Variants in TOX3 observed in about 807,000 individuals in gnomAD.
TOX3 encodes TOX high mobility group box family member 3, also known as CAG trinucleotide repeat-containing gene F9 protein.
TOX3 carries 22 observed loss-of-function variants against 64.3 expected under a neutral mutation model. The observed-to-expected ratio is 0.34, with a 90% CI of 0.24 to 0.49. The LOEUF (loss-of-function observed/expected upper bound fraction) is 0.49, where lower values mean the gene tolerates loss of function less well. TOX3 is among the 20% of genes least tolerant of loss of function. TOX3 has a pLI of 0.99. For missense variants in TOX3, 661 were observed against 714.4 expected, an observed-to-expected ratio of 0.93 and a Z score of 0.85; for synonymous variants, 291 against 273.6, an observed-to-expected ratio of 1.06 and a Z score of -0.63.
At chr16:52,448,850 A>G (rs901761258) in intron 4 of TOX3, among the ~76,000 whole-genome samples, 2 of 152,180 alleles carry the variant, frequency 1.3e-5, no homozygotes, top group Non-Finnish European at 2.9e-5. Flanking sequence ...CTAGACTCCA[A>G]TGTAAGCACG....
At chr16:52,495,839 C>T (rs567927465) in intron 1 of TOX3, among the ~76,000 whole-genome samples, 165 of 152,244 alleles carry the variant, frequency 1.1e-3, no homozygotes, top group African/African-American at 3.7e-3. Context: ...ATCTATAAAT[C>T]TCTATTTCAG....
chr16:52,478,448 G>A (rs1283027124), intron 1 of TOX3, among the ~76,000 whole-genome samples: 4 of 152,170 alleles, frequency 2.6e-5, no homozygotes, highest in South Asian at 2.1e-4. Flanking sequence ...ACCTCCATGT[G>A]CCCTCCTTGT....
At chr16:52,519,274 C>A (rs1388200528) in intron 1 of TOX3, 1 of 930,090 alleles carries the variant, frequency 1.1e-6, no homozygotes, top group East Asian at 2.7e-5. Context: ...CTCATTATTC[C>A]CAACCACTTT....
At chr16:52,532,550 G>A (rs1442426678) in intron 1 of TOX3, among the ~76,000 whole-genome samples, 2 of 152,210 alleles carry the variant, frequency 1.3e-5, no homozygotes, top group Admixed American at 1.3e-4. Context: ...AATAGGATAA[G>A]CACTGCCCTT....
intron 1 of TOX3, among the ~76,000 whole-genome samples, chr16:52,482,442 C>CTCT (rs1417005382): frequency 5.9e-5 from 9 of 152,204 alleles, no homozygotes; most frequent in Non-Finnish European, 1.2e-4. Flanking sequence ...AGTGACTCAA[C>CTCT]TGTATTTAGG....
intron 1 of TOX3, among the ~76,000 whole-genome samples, chr16:52,522,637 T>C (rs1255734900): frequency 6.6e-6 from 1 of 152,166 alleles, no homozygotes; most frequent in Non-Finnish European, 1.5e-5. Context: ...GGGTGACAGC[T>C]GTCCCACTGG....
At chr16:52,481,790 T>A (rs1362126996) in intron 1 of TOX3, among the ~76,000 whole-genome samples, 1 of 152,254 alleles carries the variant, frequency 6.6e-6, no homozygotes, top group African/African-American at 2.4e-5. Context: ...GATTTTATGA[T>A]TGCCGGAATT....
chr16:52,501,673 CA>C (rs1270169469), intron 1 of TOX3, among the ~76,000 whole-genome samples: 3 of 138,598 alleles, frequency 2.2e-5, no homozygotes, highest in African/African-American at 9.9e-5. Context: ...AACAAACAAA[CA>C]AACAAACAAA....
intron 3 of TOX3, among the ~76,000 whole-genome samples, chr16:52,450,830 AAGGAAGGAAGGAAGG>A (rs1167489660): frequency 3.1e-4 from 47 of 149,980 alleles, no homozygotes; most frequent in African/African-American, 9.5e-4. Context: ...GGAAGGAAGG[AAGGAAGGAAGGAAGG>A]AAGGAAGGAA....
intron 1 of TOX3, among the ~76,000 whole-genome samples, chr16:52,504,560 A>G (rs1399790065): frequency 6.6e-6 from 1 of 152,090 alleles, no homozygotes; most frequent in Non-Finnish European, 1.5e-5. Flanking sequence ...CACATTAGTT[A>G]GAGACCACAG....
At chr16:52,446,425 C>G (rs540200574) in intron 4 of TOX3, among the ~76,000 whole-genome samples, 2 of 152,126 alleles carry the variant, frequency 1.3e-5, no homozygotes, top group East Asian at 1.9e-4. Context: ...TTAATGAGAC[C>G]CAGAAGTATC....
At chr16:52,463,821 A>C (rs1960769530) in intron 3 of TOX3, 113 bp downstream of exon 3, 27 of 1,306,226 alleles carry the variant, frequency 2.1e-5, no homozygotes, top group Non-Finnish European at 2.7e-5. Flanking sequence ...ATAGCACTAG[A>C]ATCAATCCAC....
intron 1 of TOX3, among the ~76,000 whole-genome samples, chr16:52,542,321 T>C (rs1034932551): frequency 3.9e-5 from 6 of 152,226 alleles, no homozygotes; most frequent in Admixed American, 3.9e-4. Context: ...AAATGACTTA[T>C]TAAAAAGTTA....
chr16:52,461,592 T>C (rs1960691388), intron 3 of TOX3, among the ~76,000 whole-genome samples: 1 of 152,128 alleles, frequency 6.6e-6, no homozygotes, highest in African/African-American at 2.4e-5. Flanking sequence ...CAATACAACA[T>C]CAACAAGCTG....
intron 1 of TOX3, chr16:52,519,420 T>A (rs759112416): frequency 4.7e-5 from 73 of 1,551,320 alleles, no homozygotes; most frequent in Non-Finnish European, 6.3e-5. Flanking sequence ...AGATAGGTAG[T>A]TATCAGGTAA....
intron 1 of TOX3, among the ~76,000 whole-genome samples, chr16:52,518,504 G>A (rs1962515092): frequency 6.6e-6 from 1 of 152,202 alleles, no homozygotes; most frequent in Non-Finnish European, 1.5e-5. Flanking sequence ...TGCGTTCAAA[G>A]CCGGCTACTT....
At chr16:52,454,662 T>A (rs1468814088) in intron 3 of TOX3, among the ~76,000 whole-genome samples, 2 of 152,192 alleles carry the variant, frequency 1.3e-5, no homozygotes, top group Non-Finnish European at 2.9e-5. Flanking sequence ...TTACCCTTGA[T>A]CTTAGGACTA....
At chr16:52,478,526 T>C (rs1436681997) in intron 1 of TOX3, among the ~76,000 whole-genome samples, 2 of 152,224 alleles carry the variant, frequency 1.3e-5, no homozygotes, top group African/African-American at 2.4e-5. Context: ...ACTAATGTAC[T>C]GGATTTATTT....
In TOX3 at chr16:52,446,218, T is replaced by G; in HGVS notation, c.682A>C (p.Ile228Leu). ...TCTGGAGCAGCTCTTTTCTCTCCAA[T>G]GGCCTGCAAAGCAGGAAGAAAATTC... ...EEDADEANRA[I>L]GEKRAAPDSG... The change falls in exon 5 of 7, where the codon ATT becomes CTT. Residue 228 changes from isoleucine to leucine, a missense_variant. Coordinates refer to ENST00000219746, the MANE Select transcript of TOX3 (RefSeq NM_001080430.4). 6.2e-7 allele frequency: 1 copy of G among 1,612,668 alleles called. No homozygotes were observed. The highest frequency in any genetic ancestry group is 8.5e-7 in the Non-Finnish European group (1 of 1,179,610).
Sources: gnomAD v4.1 joint callset for allele counts (sites outside exome capture counted in the v4.1 genomes callset) on GRCh38, gnomAD v4.1.1 for gene constraint, MANE v1.5 for transcripts, NCBI Gene and HGNC (gene_info 2026-07-23, HGNC 2026-07-21) for gene names.